Variants in LRRTM4 observed in about 807,000 individuals in gnomAD.
The protein encoded by LRRTM4 is leucine rich repeat transmembrane neuronal 4, also known as leucine-rich repeat transmembrane neuronal protein 4.
In LRRTM4, 25 loss-of-function variants were observed where a neutral mutation model predicts 47.6. The ratio of observed to expected loss-of-function variants is 0.53; its 90% CI spans 0.38 to 0.73. LRRTM4 has a LOEUF of 0.73. Ranked by LOEUF, LRRTM4 falls within the 30% of genes least tolerant of loss-of-function variation. LRRTM4 has a pLI of 0.00. For synonymous variants in LRRTM4, 311 were observed against 269.5 expected (o/e 1.15, Z -1.51); for missense variants, 638 against 713.4 (o/e 0.89, Z 1.20).
At chr2:77,174,762 C>A (rs933426396) in intron 3 of LRRTM4, among the ~76,000 whole-genome samples, 1 of 151,990 alleles carries the variant, frequency 6.6e-6, no homozygotes, top group African/African-American at 2.4e-5. Context: ...TGTCATTTAA[C>A]ATTAGGTATA....
At chr2:77,408,791 G>C (rs1409155021) in intron 3 of LRRTM4, among the ~76,000 whole-genome samples, 1 of 152,252 alleles carries the variant, frequency 6.6e-6, no homozygotes, top group Admixed American at 6.5e-5. Context: ...AATTATGCCT[G>C]TATTCAATCC....
intron 3 of LRRTM4, among the ~76,000 whole-genome samples, chr2:77,514,348 A>C (rs2104111992): frequency 6.6e-6 from 1 of 152,146 alleles, no homozygotes; most frequent in South Asian, 2.1e-4. Flanking sequence ...TCAATATCTA[A>C]AGTGTGAAAA....
At chr2:77,351,452 C>T (rs1241525883) in intron 3 of LRRTM4, among the ~76,000 whole-genome samples, 1 of 151,644 alleles carries the variant, frequency 6.6e-6, no homozygotes, top group Non-Finnish European at 1.5e-5. Context: ...ATTGAATTCC[C>T]ACCAGCAGTA....
chr2:77,138,577 G>C (rs1572999670), intron 3 of LRRTM4, among the ~76,000 whole-genome samples: 1 of 152,044 alleles, frequency 6.6e-6, no homozygotes, highest in East Asian at 1.9e-4. Context: ...AGAAGCAAGA[G>C]CAAACACATT....
chr2:77,234,404 T>C (rs181030521), intron 3 of LRRTM4, among the ~76,000 whole-genome samples: 1 of 152,316 alleles, frequency 6.6e-6, no homozygotes, highest in African/African-American at 2.4e-5. Flanking sequence ...TCGAATAATC[T>C]GTGACTACAG....
chr2:76,890,512 C>T (rs959925440), intron 3 of LRRTM4, among the ~76,000 whole-genome samples: 1 of 151,884 alleles, frequency 6.6e-6, no homozygotes, highest in Non-Finnish European at 1.5e-5. Flanking sequence ...TTCATATTGT[C>T]TCAGACTCAG....
chr2:77,521,764 C>T lies in LRRTM4; in HGVS notation c.-93G>A, dbSNP rs1378444038. 1.9e-5 allele frequency: 27 copies of T among 1,419,078 alleles called. No individual in the cohort carries two copies. The South Asian group carries it at 2.3e-4, about 12-fold the overall frequency. The allele number at this position is 1,419,078 out of a possible 1,614,324, so 87.9% of individuals were successfully genotyped here. On this transcript the variant is annotated 5_prime_UTR_variant, in exon 2 of 4. Coordinates refer to ENST00000409884, the MANE Select transcript of LRRTM4 (RefSeq NM_001134745.3). Reference sequence around the variant, plus strand: ...CCACCACCACCTTCATGACACAGTGCGGCTGTCATTCACACCATTCTGATC... The same window carrying T: ...CCACCACCACCTTCATGACACAGTGTGGCTGTCATTCACACCATTCTGATC...
At chr2:77,086,738 G>A (rs184246195) in intron 3 of LRRTM4, among the ~76,000 whole-genome samples, 2 of 151,950 alleles carry the variant, frequency 1.3e-5, no homozygotes, top group South Asian at 2.1e-4. Flanking sequence ...CAGGTAATCC[G>A]GCTGCCACAG....
intron 3 of LRRTM4, among the ~76,000 whole-genome samples, chr2:76,989,431 T>C (rs1477738300): frequency 6.6e-6 from 1 of 151,886 alleles, no homozygotes; most frequent in Non-Finnish European, 1.5e-5. Flanking sequence ...AGTAAAAATT[T>C]TGAATCTGCA....
intron 3 of LRRTM4, among the ~76,000 whole-genome samples, chr2:77,195,115 G>GT (rs1312297666): frequency 1.3e-5 from 2 of 151,570 alleles, no homozygotes; most frequent in Non-Finnish European, 2.9e-5. Context: ...TATCCCTTTG[G>GT]TTTCATGTAT....
intron 3 of LRRTM4, among the ~76,000 whole-genome samples, chr2:76,915,998 A>G (rs1006594797): frequency 7.9e-5 from 12 of 152,136 alleles, no homozygotes; most frequent in African/African-American, 2.9e-4. Flanking sequence ...AAGCTCTATC[A>G]GCACATTTGA....
At chr2:77,463,708 A>G (rs1676875729) in intron 3 of LRRTM4, among the ~76,000 whole-genome samples, 1 of 152,038 alleles carries the variant, frequency 6.6e-6, no homozygotes, top group African/African-American at 2.4e-5. Context: ...CCCCCTTTTT[A>G]CAAGTAGAAT....
intron 3 of LRRTM4, among the ~76,000 whole-genome samples, chr2:77,121,031 ACT>A (rs1671508495): frequency 6.6e-6 from 1 of 151,832 alleles, no homozygotes; most frequent in Non-Finnish European, 1.5e-5. Flanking sequence ...GTGCAGAGGT[ACT>A]GTTTGGAAGA....
intron 3 of LRRTM4, among the ~76,000 whole-genome samples, chr2:77,486,528 A>G (rs11690280): frequency 0.33 from 49,832 of 152,016 alleles, 8,364 homozygotes; most frequent in Middle Eastern, 0.35. Context: ...GATCCAGTAT[A>G]ATGGCATATT....
chr2:77,507,311 T>G (rs1446513735), intron 3 of LRRTM4, among the ~76,000 whole-genome samples: 1 of 152,126 alleles, frequency 6.6e-6, no homozygotes, highest in Non-Finnish European at 1.5e-5. Context: ...TTTCAATAAA[T>G]TTTTAGTAAA....
chr2:76,799,625 T>G (rs1428031550), intron 3 of LRRTM4, among the ~76,000 whole-genome samples: 1 of 136,884 alleles, frequency 7.3e-6, no homozygotes, highest in Non-Finnish European at 1.6e-5. Context: ...GAGAAGGAAA[T>G]AAAGGGTATT....
chr2:77,427,166 A>C (rs1037036223), intron 3 of LRRTM4, among the ~76,000 whole-genome samples: 1 of 152,016 alleles, frequency 6.6e-6, no homozygotes. Context: ...TTTAGTGGAG[A>C]TGAGGTTTCA....
rs189467266 is a variant in LRRTM4, at chr2:77,340,443, C to T, written c.1551+177875G>A. 4.6e-5 allele frequency among the ~76,000 whole-genome samples: 7 copies of T among 152,034 alleles called. No homozygotes were observed. The East Asian group carries it at 7.7e-4, about 17-fold the overall frequency. On this transcript the variant is annotated intron_variant, in intron 3 of 3. Coordinates refer to ENST00000409884, the MANE Select transcript of LRRTM4 (RefSeq NM_001134745.3). Reference sequence around the variant, plus strand: ...TACATTTAATGAGTTTAATACACTACGTGGTACAGTGTAAGTTCTTACTAA... The same window carrying T: ...TACATTTAATGAGTTTAATACACTATGTGGTACAGTGTAAGTTCTTACTAA...
chr2:76,935,112 T>G (rs1175906972), intron 3 of LRRTM4, among the ~76,000 whole-genome samples: 1 of 152,146 alleles, frequency 6.6e-6, no homozygotes, highest in Non-Finnish European at 1.5e-5. Flanking sequence ...GCCTATTAGA[T>G]TCAAGAGCAG....
Sources: gnomAD v4.1 joint callset for allele counts (sites outside exome capture counted in the v4.1 genomes callset) on GRCh38, gnomAD v4.1.1 for gene constraint, MANE v1.5 for transcripts, NCBI Gene and HGNC (gene_info 2026-07-23, HGNC 2026-07-21) for gene names.